HNF4G: variants seen among roughly 807,000 people sequenced by gnomAD.
The protein encoded by HNF4G is hepatocyte nuclear factor 4 gamma, also known as hepatocyte nuclear factor 4-gamma.
Under a neutral mutation model 50.9 loss-of-function variants are expected in HNF4G, and 21 were observed. That is an observed-to-expected ratio of 0.41 (90% CI 0.29 to 0.59). The LOEUF is 0.59. Among genes scored for constraint, HNF4G ranks in the 20% least tolerant of loss-of-function variants. HNF4G has a pLI of 0.26. For synonymous variants in HNF4G, 198 were observed against 185.6 expected (o/e 1.07, Z -0.54); for missense variants, 527 against 559.4 (o/e 0.94, Z 0.58).
chr8:75,507,788 G>T (rs984578659), intron 2 of HNF4G, among the ~76,000 whole-genome samples: 8 of 151,974 alleles, frequency 5.3e-5, no homozygotes, highest in Non-Finnish European at 8.8e-5. Context: ...TAAAGTACAT[G>T]GTGTTTCAGA....
chr8:75,474,994 C>A (rs1020384449), intron 1 of HNF4G, among the ~76,000 whole-genome samples: 2 of 149,676 alleles, frequency 1.3e-5, no homozygotes, highest in African/African-American at 4.9e-5. Flanking sequence ...CTGTGCCTGG[C>A]CTATTATTTA....
chr8:75,551,459 A>T lies in HNF4G; in HGVS notation c.454A>T (p.Asn152Tyr), dbSNP rs1299163898. 1 of 1,612,702 alleles carries T rather than the reference A, an allele frequency of 6.2e-7. No homozygotes were observed. Among genetic ancestry groups the T allele is most frequent in the Non-Finnish European group, 8.5e-7 (1 of 1,178,844 alleles). Residue 152 changes from asparagine to tyrosine, a missense_variant, in exon 4 of 10, where the codon AAC becomes TAC. Transcript: ENST00000396423. ...TFDGSNIPSI[N>Y]TLAQAEVRSR... is the part of the protein sequence containing the mutation. ...TGATGGCAGCAACATCCCCTCCATT[A>T]ACACACTGGCACAAGCTGAAGTTCG...
At chr8:75,535,522 C>T (rs1396864272), upstream of HNF4G, among the ~76,000 whole-genome samples, 2 of 151,702 alleles carry the variant, frequency 1.3e-5, no homozygotes, top group Admixed American at 6.6e-5. Flanking sequence ...TTAGTGATCT[C>T]ATTTGTGTAA....
chr8:75,419,261 C>T (rs1004782155), intron 1 of HNF4G, among the ~76,000 whole-genome samples: 4 of 152,210 alleles, frequency 2.6e-5, no homozygotes, highest in African/African-American at 7.2e-5. Context: ...TGGGAGAAAC[C>T]GTTTTAAGTA....
intron 2 of HNF4G, among the ~76,000 whole-genome samples, chr8:75,511,825 G>A (rs1313298862): frequency 3.9e-5 from 6 of 152,224 alleles, no homozygotes; most frequent in Middle Eastern, 3.4e-3. Context: ...TGATCCACCC[G>A]CCTCGGCCTC....
chr8:75,438,220 A>G (rs1430382214), intron 1 of HNF4G, among the ~76,000 whole-genome samples: 2 of 152,190 alleles, frequency 1.3e-5, no homozygotes, highest in Non-Finnish European at 2.9e-5. Context: ...TCACTCTCAT[A>G]CCTCCAATTC....
chr8:75,476,123 T>A (rs1189375565), intron 1 of HNF4G, among the ~76,000 whole-genome samples: 1 of 152,156 alleles, frequency 6.6e-6, no homozygotes, highest in African/African-American at 2.4e-5. Context: ...TGGAGTCTCC[T>A]GTGTCTATTG....
chr8:75,516,128 C>T (rs1805883349), intron 2 of HNF4G, among the ~76,000 whole-genome samples: 1 of 152,338 alleles, frequency 6.6e-6, no homozygotes, highest in East Asian at 1.9e-4. Context: ...CCCTCAGAGA[C>T]AAACCCAGAA....
At chr8:75,540,158 G>T in intron 1 of HNF4G, 78 bp downstream of exon 1, 1 of 829,818 alleles carries the variant, frequency 1.2e-6, no homozygotes, top group Non-Finnish European at 2.0e-6. Flanking sequence ...TTCCAAAGGT[G>T]GTGGCTCAAT....
chr8:75,495,418 C>T (rs1812742913), intron 2 of HNF4G: 1 of 152,106 alleles, frequency 6.6e-6, no homozygotes, highest in Non-Finnish European at 1.5e-5. Flanking sequence ...TCAGAATTCA[C>T]TGTGCTGAGG....
chr8:75,495,350 A>T (rs1048712949), intron 2 of HNF4G: 2 of 152,078 alleles, frequency 1.3e-5, no homozygotes, highest in Non-Finnish European at 2.9e-5. Context: ...AAGGATGGGA[A>T]GTTATTATTA....
rs1345691963 is a variant in HNF4G at position 75,559,518 on chromosome 8, A to G, written c.1123+481A>G. Among the ~76,000 whole-genome samples the G allele has an allele frequency of 3.9e-5, 6 of 152,066 alleles. 1 individual carries two copies. In the Middle Eastern group the frequency reaches 0.017, roughly 431 times the overall value. ...TGATTTCCTGACCTTGTGATCTGCC[A>G]GCCTCGGCCTCCCAAAGTGCTGGGA... On this transcript the variant is annotated intron_variant, in intron 8 of 9. Transcript: ENST00000396423.
chr8:75,463,102 A>G (rs1286346207), intron 1 of HNF4G, among the ~76,000 whole-genome samples: 2 of 148,404 alleles, frequency 1.3e-5, no homozygotes, highest in Non-Finnish European at 3.0e-5. Flanking sequence ...TAAATTTAGG[A>G]ATCTGAATTA....
chr8:75,442,271 TG>T (rs1811305650), intron 1 of HNF4G, among the ~76,000 whole-genome samples: 1 of 152,184 alleles, frequency 6.6e-6, no homozygotes, highest in Non-Finnish European at 1.5e-5. Context: ...CTTTATAGCC[TG>T]GGTATCGGGT....
intron 1 of HNF4G, among the ~76,000 whole-genome samples, chr8:75,429,105 A>G (rs1306101965): frequency 1.3e-5 from 2 of 152,200 alleles, no homozygotes; most frequent in East Asian, 3.9e-4. Context: ...TTCCTCAAGA[A>G]TAATTTCTAA....
intron 1 of HNF4G, among the ~76,000 whole-genome samples, chr8:75,443,276 T>C (rs1357727695): frequency 2.6e-5 from 4 of 152,214 alleles, no homozygotes; most frequent in African/African-American, 9.6e-5. Flanking sequence ...ACCTAATTTA[T>C]GGTATTTTGT....
intron 1 of HNF4G, among the ~76,000 whole-genome samples, chr8:75,440,852 CTTA>C (rs1331621170): frequency 2.0e-5 from 3 of 151,694 alleles, no homozygotes; most frequent in Admixed American, 6.6e-5. Context: ...TAATTAATTT[CTTA>C]TTATTATTCT....
chr8:75,551,313 A>G (rs1806946080), intron 3 of HNF4G, 75 bp from the exon 4 acceptor site: 1 of 795,952 alleles, frequency 1.3e-6, no homozygotes, highest in African/African-American at 1.8e-5. Flanking sequence ...ACTTAAAAAA[A>G]AAACTCCTTA....
chr8:75,480,066 T>C (rs1056067182), intron 1 of HNF4G, among the ~76,000 whole-genome samples: 1 of 152,212 alleles, frequency 6.6e-6, no homozygotes, highest in African/African-American at 2.4e-5. Context: ...TAATTCTTAT[T>C]AAATGTATGC....
Sources: allele counts gnomAD v4.1 joint callset (sites outside exome capture counted in the v4.1 genomes callset), GRCh38; gene constraint gnomAD v4.1.1; transcripts MANE v1.5; gene names NCBI Gene and HGNC (gene_info 2026-07-23, HGNC 2026-07-21).